SPIDR: variants seen among roughly 807,000 people sequenced by gnomAD.
The protein encoded by SPIDR is scaffold protein involved in DNA repair, also known as DNA repair-scaffolding protein.
A neutral mutation model predicts 104.6 loss-of-function variants in SPIDR; 93 were observed. The ratio of observed to expected loss-of-function variants is 0.89; its 90% CI spans 0.75 to 1.06. The LOEUF is 1.06. Ranked by LOEUF, SPIDR falls within the 50% of genes least tolerant of loss-of-function variation. SPIDR has a pLI of 0.00. For synonymous variants in SPIDR, 431 were observed against 416.9 expected, an observed-to-expected ratio of 1.03 and a Z score of -0.41; for missense variants, 1,154 against 1,111.2, an observed-to-expected ratio of 1.04 and a Z score of -0.55.
Position 47,592,404 on chromosome 8 carries a change from A to G in SPIDR, c.1098-3407A>G, listed in dbSNP as rs1363625124. On this transcript the variant is annotated intron_variant, in intron 8 of 19. Transcript: ENST00000297423. ...AAATTTTGGTCATGAAACATACTGT[A>G]GGGGCTGCCATTGAGTATTCTTCTG... 2.8e-6 allele frequency: 4 copies of G among 1,413,650 alleles called. No individual in the cohort carries two copies. The African/African-American group carries it at 4.2e-5, about 15-fold the overall frequency. 87.6% of individuals were successfully genotyped at this position (1,413,650 alleles called of 1,614,324 possible).
Position 47,558,478 on chromosome 8 carries a change from A to G in SPIDR, c.1098-37333A>G, listed in dbSNP as rs114021465. Among the ~76,000 whole-genome samples, 1,397 of 152,194 alleles carry G rather than the reference A, an allele frequency of 9.2e-3. 22 individuals are homozygous for G. The highest frequency in any genetic ancestry group is 0.031 in the African/African-American group (1,299 of 41,516). ...AATCATATATCTTGAGTCTTTTTGT[A>G]GCTCCGATTGAACACAAATTATTTG... On this transcript the variant is annotated intron_variant, in intron 8 of 19. Transcript: ENST00000297423.
At chr8:47,592,631 C>T in intron 8 of SPIDR, 1 of 1,103,918 alleles carries the variant, frequency 9.1e-7, no homozygotes. Context: ...CGAGTTCGGC[C>T]TCTGGTCTAG....
chr8:47,469,428 G>A (rs1554719504), intron 8 of SPIDR, among the ~76,000 whole-genome samples: 1 of 152,042 alleles, frequency 6.6e-6, no homozygotes, highest in Non-Finnish European at 1.5e-5. Context: ...GCATATGTTT[G>A]TTGCAGCATT....
At chr8:47,503,390 A>G (rs562504165) in intron 8 of SPIDR, among the ~76,000 whole-genome samples, 17 of 152,182 alleles carry the variant, frequency 1.1e-4, no homozygotes, top group African/African-American at 3.6e-4. Flanking sequence ...CCATTATGTA[A>G]TGGCCTTCTT....
intron 5 of SPIDR, among the ~76,000 whole-genome samples, chr8:47,355,346 T>C (rs1478227843): frequency 6.7e-6 from 1 of 149,828 alleles, no homozygotes; most frequent in Non-Finnish European, 1.5e-5. Context: ...TGCTCATGTC[T>C]GGTAATTAGC....
At chr8:47,522,254 C>G (rs1054242177) in intron 8 of SPIDR, among the ~76,000 whole-genome samples, 2 of 152,088 alleles carry the variant, frequency 1.3e-5, no homozygotes, top group Admixed American at 1.3e-4. Context: ...GGGTCAGCCT[C>G]TCCTCCTGTG....
At chr8:47,729,801 C>T in intron 19 of SPIDR, 1 of 224,422 alleles carries the variant, frequency 4.5e-6, no homozygotes. Flanking sequence ...TCACTGCAAC[C>T]TCCGCCTCCC....
chr8:47,501,521 T>G (rs1194895634), intron 8 of SPIDR, among the ~76,000 whole-genome samples: 1 of 152,204 alleles, frequency 6.6e-6, no homozygotes, highest in Non-Finnish European at 1.5e-5. Flanking sequence ...TGAAGTTGCC[T>G]GTCAGCTTAA....
intron 8 of SPIDR, chr8:47,511,614 GT>G: frequency 1.3e-6 from 1 of 789,742 alleles, no homozygotes; most frequent in Non-Finnish European, 2.3e-6. Context: ...GAACATCTTG[GT>G]TGGAATGATG....
At chr8:47,511,244 G>A (rs539036025) in intron 8 of SPIDR, 63 of 1,589,188 alleles carry the variant, frequency 4.0e-5, no homozygotes, top group Middle Eastern at 1.8e-4. Flanking sequence ...TCTGCAAGCC[G>A]AATTTGGATG....
chr8:47,677,175 G>T (rs549008485), intron 11 of SPIDR, among the ~76,000 whole-genome samples: 1 of 151,954 alleles, frequency 6.6e-6, no homozygotes, highest in Non-Finnish European at 1.5e-5. Flanking sequence ...ACCTGCCCCC[G>T]ACCACCGACC....
At position 47,718,479 on chromosome 8, in the gene SPIDR, T is replaced by C. The variant is rs77006300; in HGVS notation, c.2341+4838T>C. On this transcript the variant is annotated intron_variant, in intron 16 of 19. Coordinates refer to ENST00000297423, the MANE Select transcript of SPIDR (RefSeq NM_001080394.4). ...TTCCTTCTCAAATTCACTTAAGAAATATGCTTAAACTACTTATCTTTGGCT... is the reference window on the plus strand; with the variant it reads ...TTCCTTCTCAAATTCACTTAAGAAACATGCTTAAACTACTTATCTTTGGCT... 4.6e-5 allele frequency among the ~76,000 whole-genome samples: 7 copies of C among 152,264 alleles called. No homozygotes were observed. The East Asian group carries it at 1.4e-3, about 29-fold the overall frequency.
chr8:47,365,515 C>T (rs1554633901), intron 5 of SPIDR, among the ~76,000 whole-genome samples: 1 of 152,096 alleles, frequency 6.6e-6, no homozygotes, highest in African/African-American at 2.4e-5. Context: ...TGGCAGTACC[C>T]TCATCTGTTT....
intron 7 of SPIDR, among the ~76,000 whole-genome samples, chr8:47,410,168 C>A (rs2063306614): frequency 6.6e-6 from 1 of 151,552 alleles, no homozygotes; most frequent in South Asian, 2.1e-4. Context: ...AATACTTTTT[C>A]TTTTTTTATT....
chr8:47,403,148 G>A (rs1284660578), intron 6 of SPIDR, among the ~76,000 whole-genome samples: 2 of 151,996 alleles, frequency 1.3e-5, no homozygotes, highest in African/African-American at 4.8e-5. Context: ...TGACAAAATT[G>A]CAACAGCCCT....
At chr8:47,307,129 T>TA (rs2043217455) in intron 5 of SPIDR, among the ~76,000 whole-genome samples, 3 of 152,174 alleles carry the variant, frequency 2.0e-5, no homozygotes, top group Admixed American at 2.0e-4. Context: ...TTACATAACT[T>TA]ACTGCTTTTT....
At chr8:47,320,964 A>G (rs1258913090) in intron 5 of SPIDR, among the ~76,000 whole-genome samples, 8 of 152,214 alleles carry the variant, frequency 5.3e-5, no homozygotes, top group South Asian at 2.1e-4. Context: ...AGTAAGAGAT[A>G]TCTATGACAA....
At chr8:47,533,283 G>T (rs1361329801) in intron 8 of SPIDR, among the ~76,000 whole-genome samples, 1 of 152,040 alleles carries the variant, frequency 6.6e-6, no homozygotes, top group Non-Finnish European at 1.5e-5. Flanking sequence ...ACTCAAAGTG[G>T]ATTAAAGAAT....
In SPIDR at chr8:47,490,032, C is replaced by G. The variant is rs1261998071; in HGVS notation, c.1097+49490C>G. Reference sequence around the variant, plus strand: ...CTAATTAAACTAAAGAGCTTCTGCACAGCAAAAGAAACTACCATCAGAGTG... The same window carrying G: ...CTAATTAAACTAAAGAGCTTCTGCAGAGCAAAAGAAACTACCATCAGAGTG... On this transcript the variant is annotated intron_variant, in intron 8 of 19. Transcript: ENST00000297423. 3.9e-5 allele frequency among the ~76,000 whole-genome samples: 6 copies of G among 152,168 alleles called. No homozygotes were observed. In the East Asian group the frequency reaches 5.8e-4, roughly 15 times the overall value.
Sources: allele counts gnomAD v4.1 joint callset (sites outside exome capture counted in the v4.1 genomes callset), GRCh38; gene constraint gnomAD v4.1.1; transcripts MANE v1.5; gene names NCBI Gene and HGNC (gene_info 2026-07-23, HGNC 2026-07-21).